Variants in ATXN2 observed in about 807,000 individuals in gnomAD.
ATXN2 encodes the protein ataxin 2.
In ATXN2, 37 loss-of-function variants were observed where a neutral mutation model predicts 138.6. That is an observed-to-expected ratio of 0.27 (90% confidence interval 0.21 to 0.35). The LOEUF (loss-of-function observed/expected upper bound fraction) is 0.35, where lower values mean the gene tolerates loss of function less well. ATXN2 is among the 10% of genes least tolerant of loss of function. The pLI is 1.00. For missense variants in ATXN2, 1,216 were observed against 1,480.3 expected (o/e 0.82, Z 2.93); for synonymous variants, 549 against 543.7 (o/e 1.01, Z -0.13).
intron 6 of ATXN2, among the ~76,000 whole-genome samples, chr12:111,524,581 C>CCAG (rs770336781): frequency 2.3e-4 from 35 of 152,082 alleles, no homozygotes; most frequent in Non-Finnish European, 4.1e-4. Flanking sequence ...CAGGCATGTG[C>CCAG]CAGCATACCC....
At chr12:111,506,813 G>A (rs533754611) in intron 14 of ATXN2, among the ~76,000 whole-genome samples, 250 of 152,204 alleles carry the variant, frequency 1.6e-3, no homozygotes, top group African/African-American at 5.7e-3. Flanking sequence ...GCAGGCCCGC[G>A]CCGCCACGCC....
chr12:111,564,342 CT>C (rs1882870104), intron 1 of ATXN2, among the ~76,000 whole-genome samples: 1 of 152,068 alleles, frequency 6.6e-6, no homozygotes, highest in African/African-American at 2.4e-5. Flanking sequence ...AAAGTTAAAA[CT>C]TTCCATTTCA....
chr12:111,464,393 T>C lies in ATXN2; in HGVS notation c.2896+269A>G, dbSNP rs1593099682. On this transcript the variant is annotated intron_variant, in intron 21 of 24. Coordinates refer to ENST00000673436, the MANE Select transcript of ATXN2 (RefSeq NM_001372574.1). Reference sequence around the variant, plus strand: ...TGTATAAAGCTGTTTAGGAAGTTTCTCTAACAAGGAAAATATTAGGCATTT... The same window carrying C: ...TGTATAAAGCTGTTTAGGAAGTTTCCCTAACAAGGAAAATATTAGGCATTT... Among the ~76,000 whole-genome samples, 6 of 151,862 alleles carry C rather than the reference T, an allele frequency of 4.0e-5. No individual in the cohort carries two copies. In the South Asian group the frequency reaches 1.2e-3, roughly 32 times the overall value.
chr12:111,488,329 T>C (rs1176148850), intron 15 of ATXN2, 147 bp downstream of exon 15: 9 of 737,810 alleles, frequency 1.2e-5, no homozygotes, highest in South Asian at 2.4e-5. Flanking sequence ...TGTCATTTGT[T>C]TGGACTAGCT....
rs1219073457 is a variant in ATXN2, at chr12:111,552,026, C to A, written c.571+254G>T. Among the ~76,000 whole-genome samples, 1 of 151,762 alleles carries A rather than the reference C, an allele frequency of 6.6e-6. No individual in the cohort carries two copies. Among genetic ancestry groups the A allele is most frequent in the Non-Finnish European group, 1.5e-5 (1 of 67,956 alleles). On this transcript the variant is annotated intron_variant, in intron 5 of 24. Transcript: ENST00000673436. The surrounding 1 kb of genome is among the most constrained non-coding windows in gnomAD (Gnocchi z 4.1). Reference sequence around the variant, plus strand: ...CCTAGTAGCTAGGACTATAGGCGCACGCCACCACACACAAAAATAAATTTT... The same window carrying A: ...CCTAGTAGCTAGGACTATAGGCGCAAGCCACCACACACAAAAATAAATTTT...
In ATXN2 at chr12:111,485,832, G is replaced by A. The variant is rs1877599375; in HGVS notation, c.2338C>T (p.Pro780Ser). ...ATAGATGGGCTAGGTTGTGCTTGAG[G>A]CCGAGGTGAAGTTGGGGTAGTAGAA... Reference protein sequence around the residue: ...KPSTTPTSPRPQAQPSPSMVG... With the variant: ...KPSTTPTSPRSQAQPSPSMVG... The change falls in exon 17 of 25, where the codon CCT becomes TCT. Residue 780 changes from proline (P) to serine (S), a missense_variant. Transcript: ENST00000673436. The A allele has an allele frequency of 6.2e-7, 1 of 1,614,120 alleles. No homozygotes were observed. Among genetic ancestry groups the A allele is most frequent in the Non-Finnish European group, 8.5e-7 (1 of 1,180,004 alleles).
At chr12:111,565,920 TCA>T (rs1882977473) in intron 1 of ATXN2, among the ~76,000 whole-genome samples, 1 of 150,258 alleles carries the variant, frequency 6.7e-6, no homozygotes. Context: ...TGCTTGAACC[TCA>T]GAGTTGTAGG....
chr12:111,510,110 AAC>A (rs1879415504), intron 12 of ATXN2, 112 bp from the exon 13 acceptor site: 3 of 836,334 alleles, frequency 3.6e-6, no homozygotes, highest in South Asian at 3.7e-5. Context: ...CTTTCATTTA[AAC>A]AGAGGCTTTT....
chr12:111,485,050 G>C (rs1877538555), intron 18 of ATXN2: 1 of 452,970 alleles, frequency 2.2e-6, no homozygotes, highest in Non-Finnish European at 4.0e-6. Context: ...TTTTGAAGAG[G>C]ATACTATATA....
At chr12:111,551,385 G>A (rs961539860) in intron 5 of ATXN2, among the ~76,000 whole-genome samples, 1 of 151,824 alleles carries the variant, frequency 6.6e-6, no homozygotes, top group Non-Finnish European at 1.5e-5. Flanking sequence ...ATAATGCCTT[G>A]CAAATGAGTA....
At chr12:111,584,377 CAAAAAAAAAAAAAAAAAAAA>C (rs58678794) in intron 1 of ATXN2, among the ~76,000 whole-genome samples, 2 of 44,736 alleles carry the variant, frequency 4.5e-5, no homozygotes, top group Admixed American at 4.4e-4. Context: ...GACCCTGTCT[CAAAAAAAAAAAAAAAAAAAA>C]AAAAAAAAAA....
At chr12:111,583,262 A>T (rs901915367) in intron 1 of ATXN2, among the ~76,000 whole-genome samples, 5 of 151,950 alleles carry the variant, frequency 3.3e-5, no homozygotes, top group Non-Finnish European at 7.4e-5. Flanking sequence ...AAGTGCTGGG[A>T]TTATAGGCGT....
At chr12:111,537,706 A>G (rs1036841795) in intron 5 of ATXN2, among the ~76,000 whole-genome samples, 17 of 151,632 alleles carry the variant, frequency 1.1e-4, no homozygotes, top group Admixed American at 1.1e-3. Context: ...AAATTGAAAC[A>G]AACAGAGAGG....
chr12:111,474,387 G>A (rs1257973008), intron 18 of ATXN2, among the ~76,000 whole-genome samples: 1 of 147,532 alleles, frequency 6.8e-6, no homozygotes, highest in African/African-American at 2.5e-5. Flanking sequence ...AAGATGGTGA[G>A]ACTCTGTCTC....
chr12:111,537,908 C>G (rs1881282941), intron 5 of ATXN2, among the ~76,000 whole-genome samples: 1 of 151,974 alleles, frequency 6.6e-6, no homozygotes, highest in Non-Finnish European at 1.5e-5. Flanking sequence ...CCAGCCTGGG[C>G]AACATAATGA....
At chr12:111,578,437 A>T (rs2135825384) in intron 1 of ATXN2, among the ~76,000 whole-genome samples, 1 of 152,278 alleles carries the variant, frequency 6.6e-6, no homozygotes, top group East Asian at 1.9e-4. Flanking sequence ...ATATGTTTAG[A>T]TTCACAAATA....
At chr12:111,510,225 G>A (rs1879423179) in intron 12 of ATXN2, among the ~76,000 whole-genome samples, 160 bp downstream of exon 12, 1 of 152,102 alleles carries the variant, frequency 6.6e-6, no homozygotes, top group African/African-American at 2.4e-5. Context: ...TATTAAATTA[G>A]TAGTATTAAA....
At chr12:111,455,434 C>T in intron 23 of ATXN2, 1 of 338,724 alleles carries the variant, frequency 3.0e-6, no homozygotes, top group Non-Finnish European at 5.6e-6. Flanking sequence ...CAGGGCTGCT[C>T]TTAAAGAAAA....
At chr12:111,588,030 CAAAA>C (rs1433824281) in intron 1 of ATXN2, among the ~76,000 whole-genome samples, 1 of 151,614 alleles carries the variant, frequency 6.6e-6, no homozygotes, top group Non-Finnish European at 1.5e-5. Flanking sequence ...ACTGAAAATA[CAAAA>C]AAACTAGGCA....
Sources: allele counts gnomAD v4.1 joint callset (sites outside exome capture counted in the v4.1 genomes callset), GRCh38; gene constraint gnomAD v4.1.1; non-coding constraint Gnocchi (gnomAD v3.1); transcripts MANE v1.5; gene names NCBI Gene and HGNC (gene_info 2026-07-23, HGNC 2026-07-21).